ERICH6B: variants seen among roughly 807,000 people sequenced by gnomAD.
The protein encoded by ERICH6B is glutamate-rich protein 6B.
A neutral mutation model predicts 80.0 loss-of-function variants in ERICH6B; 69 were observed. The observed-to-expected ratio is 0.86, with a 90% CI of 0.71 to 1.05. ERICH6B has a LOEUF of 1.05. Ranked by LOEUF, ERICH6B falls within the 50% of genes least tolerant of loss-of-function variation. ERICH6B has a pLI of 0.00. For synonymous variants in ERICH6B, 283 were observed against 291.9 expected (o/e 0.97, Z 0.31); for missense variants, 754 against 796.1 (o/e 0.95, Z 0.64).
intron 2 of ERICH6B, among the ~76,000 whole-genome samples, chr13:45,607,056 G>A (rs934256990): frequency 3.3e-5 from 5 of 152,096 alleles, no homozygotes; most frequent in African/African-American, 1.2e-4. Flanking sequence ...CAACCCCAGA[G>A]GGCTCTGGGG....
intron 1 of ERICH6B, among the ~76,000 whole-genome samples, chr13:45,608,365 C>A (rs971473819): frequency 6.6e-6 from 1 of 152,202 alleles, no homozygotes; most frequent in East Asian, 1.9e-4. Flanking sequence ...CCAGAGGAAT[C>A]TGGGAACAGA....
chr13:45,567,581 TG>T (rs1296682582), intron 9 of ERICH6B, among the ~76,000 whole-genome samples: 1 of 152,242 alleles, frequency 6.6e-6, no homozygotes, highest in African/African-American at 2.4e-5. Context: ...CCAAGTAAGA[TG>T]TGCCTTTCAC....
chr13:45,575,244 C>A (rs139928690), intron 7 of ERICH6B, among the ~76,000 whole-genome samples: 3 of 152,200 alleles, frequency 2.0e-5, no homozygotes, highest in Non-Finnish European at 4.4e-5. Context: ...GTAAGGAATG[C>A]GCAGGCAGAA....
intron 8 of ERICH6B, among the ~76,000 whole-genome samples, chr13:45,574,625 A>G (rs1274048622): frequency 1.3e-5 from 2 of 152,114 alleles, no homozygotes; most frequent in Non-Finnish European, 2.9e-5. Context: ...CCCCATCTAC[A>G]TAGAGGGAGT....
intron 8 of ERICH6B, among the ~76,000 whole-genome samples, chr13:45,574,544 A>G (rs1875300436): frequency 6.6e-6 from 1 of 152,138 alleles, no homozygotes; most frequent in Non-Finnish European, 1.5e-5. Context: ...GAGAAACACC[A>G]CTGCTATTTG....
chr13:45,556,403 A>G (rs73482428), intron 11 of ERICH6B, among the ~76,000 whole-genome samples: 296 of 151,956 alleles, frequency 1.9e-3, no homozygotes, highest in African/African-American at 6.8e-3. Flanking sequence ...CAATTACTCT[A>G]ATTTTTTTTC....
chr13:45,592,992 G>A (rs916282908), intron 3 of ERICH6B, among the ~76,000 whole-genome samples: 1 of 152,092 alleles, frequency 6.6e-6, no homozygotes, highest in African/African-American at 2.4e-5. Flanking sequence ...ACCGTGTGCT[G>A]GGTTTTCTGA....
intron 1 of ERICH6B, among the ~76,000 whole-genome samples, chr13:45,611,804 T>A (rs1042981401): frequency 2.0e-5 from 3 of 152,124 alleles, no homozygotes; most frequent in Non-Finnish European, 4.4e-5. Context: ...GACACTGTAA[T>A]AATAAGGATA....
In ERICH6B at chr13:45,563,698, G is replaced by A. The variant is rs746720898; in HGVS notation, c.1249+29C>T. On this transcript the variant is annotated intron_variant, in intron 10 of 14. Transcript: ENST00000298738. ...GGGATGCAGACAGGAGAGCCAGCAC[G>A]TGGTGGAAAATGGTGGAGTGGTGCC... 4.2e-5 allele frequency: 65 copies of A among 1,542,886 alleles called. No homozygotes were observed. In the South Asian group the frequency reaches 6.4e-4, roughly 15 times the overall value.
chr13:45,564,664 G>A (rs1224686982), intron 9 of ERICH6B, among the ~76,000 whole-genome samples: 2 of 152,196 alleles, frequency 1.3e-5, no homozygotes, highest in Non-Finnish European at 2.9e-5. Context: ...TGAGTCCATG[G>A]CCCATTTGTA....
chr13:45,570,672 C>G (rs893830030), intron 8 of ERICH6B, among the ~76,000 whole-genome samples: 3 of 152,200 alleles, frequency 2.0e-5, no homozygotes, highest in African/African-American at 4.8e-5. Flanking sequence ...GCCGCAGGTT[C>G]CATGTGGCTT....
intron 8 of ERICH6B, among the ~76,000 whole-genome samples, chr13:45,568,716 T>C (rs1426913936): frequency 1.3e-5 from 2 of 152,172 alleles, no homozygotes; most frequent in African/African-American, 4.8e-5. Context: ...GCACATCCTG[T>C]ACCCTGAATT....
chr13:45,546,809 G>A (rs1157610425), intron 13 of ERICH6B, among the ~76,000 whole-genome samples: 1 of 152,162 alleles, frequency 6.6e-6, no homozygotes, highest in Non-Finnish European at 1.5e-5. Context: ...GTGAGAAGGT[G>A]GCTCAGAGGC....
At chr13:45,550,481 T>C (rs536268404) in intron 11 of ERICH6B, among the ~76,000 whole-genome samples, 165 bp from the exon 12 acceptor site, 1 of 152,294 alleles carries the variant, frequency 6.6e-6, no homozygotes, top group South Asian at 2.1e-4. Flanking sequence ...GTCTATATGA[T>C]GAGGAGGCTG....
At chr13:45,586,299 A>G (rs1023816110) in intron 5 of ERICH6B, among the ~76,000 whole-genome samples, 1 of 152,180 alleles carries the variant, frequency 6.6e-6, no homozygotes, top group African/African-American at 2.4e-5. Context: ...GGATAGGGGC[A>G]GGGAAGGGAG....
At chr13:45,546,726 T>G (rs75736416) in intron 13 of ERICH6B, among the ~76,000 whole-genome samples, 10,230 of 152,210 alleles carry the variant, frequency 0.067, 394 homozygotes, top group East Asian at 0.11. Flanking sequence ...CTTGTTTGGT[T>G]TCCAGCTCCC....
chr13:45,610,460 C>A (rs967249777), intron 1 of ERICH6B, among the ~76,000 whole-genome samples: 6 of 152,210 alleles, frequency 3.9e-5, no homozygotes, highest in African/African-American at 1.4e-4. Context: ...ACTCCATCTC[C>A]TGCATGGTGT....
chr13:45,590,738 G>A lies in ERICH6B; in HGVS notation c.638-41C>T, dbSNP rs984590964. ...ATAAAAAAGCAATATTGGCAAAAAA[G>A]CATCTTTCTTTCTATTTAAAAATAC... On this transcript the variant is annotated intron_variant, in intron 3 of 14. Transcript: ENST00000298738. 9.2e-6 allele frequency: 14 copies of A among 1,514,002 alleles called. No individual in the cohort carries two copies. In the African/African-American group the frequency reaches 1.8e-4, roughly 20 times the overall value. 93.8% of individuals were successfully genotyped at this position (1,514,002 alleles called of 1,614,324 possible).
chr13:45,580,987 A>G (rs1331003647), intron 5 of ERICH6B, among the ~76,000 whole-genome samples: 2 of 152,126 alleles, frequency 1.3e-5, no homozygotes, highest in African/African-American at 2.4e-5. Flanking sequence ...GGGTAAGAGG[A>G]AGACTTTAGA....
Sources: gnomAD v4.1 joint callset for allele counts (sites outside exome capture counted in the v4.1 genomes callset) on GRCh38, gnomAD v4.1.1 for gene constraint, MANE v1.5 for transcripts, NCBI Gene and HGNC (gene_info 2026-07-23, HGNC 2026-07-21) for gene names.